The following ULBP1 variants were observed in gnomAD, a reference collection of about 807,000 sequenced individuals.
The protein encoded by ULBP1 is UL16-binding protein 1.
ULBP1 carries 28 observed loss-of-function variants against 25.3 expected under a neutral mutation model. The ratio of observed to expected loss-of-function variants is 1.10; its 90% confidence interval spans 0.82 to 1.51. The LOEUF (loss-of-function observed/expected upper bound fraction) is 1.51, where lower values mean the gene tolerates loss of function less well. ULBP1 is among the 40% of genes most tolerant of loss of function. The probability of loss-of-function intolerance (pLI) is 0.00; values close to 1 mark genes in which losing one functional copy is unlikely to be tolerated. For synonymous variants in ULBP1, 129 were observed against 103.0 expected (o/e 1.25, Z -1.53); for missense variants, 348 against 290.9 (o/e 1.20, Z -1.43).
intron 1 of ULBP1, among the ~76,000 whole-genome samples, chr6:149,967,070 T>A (rs1779216471): frequency 6.6e-6 from 1 of 152,202 alleles, no homozygotes; most frequent in Non-Finnish European, 1.5e-5. Flanking sequence ...GCACAACCTA[T>A]AATAGTTACT....
In ULBP1 at chr6:149,969,480, G is replaced by A. The variant is rs569398230; in HGVS notation, c.625+120G>A. 63 of 1,394,220 alleles carry A rather than the reference G, an allele frequency of 4.5e-5. No individual in the cohort carries two copies. In the African/African-American group the frequency reaches 5.0e-4, roughly 11 times the overall value. The allele number at this position is 1,394,220 out of a possible 1,614,324, so 86.4% of individuals were successfully genotyped here. ...GTATGAACATGACCCCCTCATGGGG[G>A]GCTCCTCCTGGGGGTCCTGGCATGC... On this transcript the variant is annotated intron_variant, in intron 3 of 4. Coordinates refer to ENST00000229708, the MANE Select transcript of ULBP1 (RefSeq NM_025218.4).
At chr6:149,964,802 G>A (rs1405971321) in intron 1 of ULBP1, among the ~76,000 whole-genome samples, 34 of 128,484 alleles carry the variant, frequency 2.6e-4, no homozygotes, top group Non-Finnish European at 4.8e-4. Flanking sequence ...CGATCCCTCC[G>A]AACATCGTGA....
In ULBP1 at chr6:149,971,035, A is replaced by G. The variant is rs184694051; in HGVS notation, c.*23-334A>G. Reference sequence around the variant, plus strand: ...CCACCCAAGGCCAGGGAACGTGGATAGAAAGAGCTCTCTTTGGACAGGGTT... The same window carrying G: ...CCACCCAAGGCCAGGGAACGTGGATGGAAAGAGCTCTCTTTGGACAGGGTT... On this transcript the variant is annotated intron_variant, in intron 4 of 4. Coordinates refer to ENST00000229708, the MANE Select transcript of ULBP1 (RefSeq NM_025218.4). Among the ~76,000 whole-genome samples the G allele has an allele frequency of 5.7e-4, 87 of 152,358 alleles. No homozygotes were observed. The East Asian group carries it at 0.016, about 27-fold the overall frequency.
intron 4 of ULBP1, 141 bp downstream of exon 4, chr6:149,970,288 T>C (rs1779291164): frequency 8.1e-7 from 1 of 1,240,076 alleles, no homozygotes; most frequent in Non-Finnish European, 1.1e-6. Context: ...CTGTCACCTG[T>C]TGGCAATGAC....
intron 3 of ULBP1, 129 bp from the exon 4 acceptor site, chr6:149,969,887 G>A: frequency 8.0e-7 from 1 of 1,246,224 alleles, no homozygotes; most frequent in Non-Finnish European, 1.1e-6. Flanking sequence ...TTGTCCCAGA[G>A]GTTGCCCCAC....
In ULBP1 at chr6:149,971,385, A is replaced by C. The variant is rs2114716872; in HGVS notation, c.*39A>C. The C allele has an allele frequency of 1.0e-6, 1 of 985,452 alleles. No individual in the cohort carries two copies. Among genetic ancestry groups the C allele is most frequent in the South Asian group, 4.7e-5 (1 of 21,284 alleles). 61.0% of individuals were successfully genotyped at this position (985,452 alleles called of 1,614,324 possible). ...TTTCTCAAGGTGGAAAGTGATATCA[A>C]GAAGCCTCTGTTAGCCTGGTCTGGG... On this transcript the variant is annotated 3_prime_UTR_variant, in exon 5 of 5. Transcript: ENST00000229708.
rs369161455 is a variant in ULBP1, at chr6:149,969,089, C to T, written c.354C>T (p.Pro118=). ...IQVENLIPIE[P]LTLQARMSCE... ...GATCTCTTTGCAATGGGGCAGAGCC[C>T]CTCACCCTGCAGGCCAGGATGTCTT... Residue 118 remains proline, a synonymous_variant, in exon 3 of 5, where the codon CCC becomes CCT. Transcript: ENST00000229708. The T allele has an allele frequency of 1.9e-6, 3 of 1,613,986 alleles. No homozygotes were observed. Among genetic ancestry groups the T allele is most frequent in the African/African-American group, 1.3e-5 (1 of 74,934 alleles).
rs115284822 is a variant in ULBP1 at position 149,969,390 on chromosome 6, T to C, written c.625+30T>C. ...GTGAGAGGGGGATAAATGGAAGCTGTCTCGAGTTCAGATCTTATCAGCTGG... is the reference window on the plus strand; with the variant it reads ...GTGAGAGGGGGATAAATGGAAGCTGCCTCGAGTTCAGATCTTATCAGCTGG... On this transcript the variant is annotated intron_variant, in intron 3 of 4. Coordinates refer to ENST00000229708, the MANE Select transcript of ULBP1 (RefSeq NM_025218.4). 9.0e-4 allele frequency: 1,439 copies of C among 1,604,704 alleles called. 14 individuals carry two copies. The African/African-American group carries it at 0.017, about 19-fold the overall frequency.
Position 149,968,747 on chromosome 6 carries a change from T to A in ULBP1, c.226T>A (p.Ser76Thr), listed in dbSNP as rs753208391. 3 of 1,614,212 alleles carry A rather than the reference T, an allele frequency of 1.9e-6. No homozygotes were observed. The East Asian group carries it at 6.7e-5, about 36-fold the overall frequency. ...CVNHKAKAFA[S>T]LGKKVNVTKT... is the part of the protein sequence containing the mutation. ...TAACCACAAGGCCAAAGCCTTTGCT[T>A]CTCTGGGGAAGAAAGTCAATGTCAC... is the stretch of plus-strand genomic sequence containing the variant. The change falls in exon 2 of 5, where the codon TCT becomes ACT. Residue 76 changes from serine to threonine, a missense_variant. By Grantham distance (58) the Ser-to-Thr change is moderately conservative (BLOSUM62 1). Transcript: ENST00000229708.
intron 4 of ULBP1, among the ~76,000 whole-genome samples, chr6:149,970,759 C>A (rs1325816369): frequency 1.3e-5 from 2 of 152,232 alleles, no homozygotes; most frequent in Non-Finnish European, 2.9e-5. Context: ...CCTTGCCAGG[C>A]CCTGGGGCGA....
At chr6:149,969,417 G>A (rs1779269169) in intron 3 of ULBP1, 57 bp downstream of exon 3, 1 of 1,586,294 alleles carries the variant, frequency 6.3e-7, no homozygotes. Context: ...ATCAGCTGGT[G>A]TATGTGTGTG....
intron 2 of ULBP1, 37 bp downstream of exon 2, chr6:149,968,907 T>A (rs775982321): frequency 6.3e-7 from 1 of 1,586,700 alleles, no homozygotes; most frequent in South Asian, 1.2e-5. Context: ...GACACAGTAG[T>A]AACTTAGAGT....
rs1779350594 is a variant in ULBP1, at chr6:149,973,268, G to C, written c.*1922G>C. 6.6e-6 allele frequency: 1 copy of C among 152,184 alleles called. No homozygotes were observed. The highest frequency in any genetic ancestry group is 1.5e-5 in the Non-Finnish European group (1 of 68,038). 9.4% of individuals were successfully genotyped at this position (152,184 alleles called of 1,614,324 possible). A position where few individuals can be genotyped will look rare whatever the true frequency, so the allele number is the denominator to read the frequency against. ...TGCATCTTCCCATTGGAAAGTGGCAGCTAAACATTAAATTCGCATGAACCA... is the reference window on the plus strand; with the variant it reads ...TGCATCTTCCCATTGGAAAGTGGCACCTAAACATTAAATTCGCATGAACCA... On this transcript the variant is annotated 3_prime_UTR_variant, in exon 5 of 5. Transcript: ENST00000229708.
At chr6:149,967,957 T>C (rs1779233218) in intron 1 of ULBP1, among the ~76,000 whole-genome samples, 1 of 152,130 alleles carries the variant, frequency 6.6e-6, no homozygotes, top group African/African-American at 2.4e-5. Flanking sequence ...GTTCTGGATT[T>C]TCATATTGCA....
At chr6:149,964,592 A>ATCGCGGTCTCCCCGAAC (rs1779163775) in intron 1 of ULBP1, among the ~76,000 whole-genome samples, 1 of 79,932 alleles carries the variant, frequency 1.3e-5, no homozygotes, top group Non-Finnish European at 2.7e-5. Context: ...TCTCCCCGAA[A>ATCGCGGTCTCCCCGAAC]ATCGCGATCT....
chr6:149,968,507 C>T, intron 1 of ULBP1, 100 bp from the exon 2 acceptor site: 1 of 1,472,128 alleles, frequency 6.8e-7, no homozygotes, highest in Non-Finnish European at 9.1e-7. Context: ...GCCAGCCCAG[C>T]CCCTCAGAGG....
chr6:149,966,924 C>T (rs1779213465), intron 1 of ULBP1, among the ~76,000 whole-genome samples: 1 of 152,214 alleles, frequency 6.6e-6, no homozygotes, highest in Non-Finnish European at 1.5e-5. Context: ...CCACATATGC[C>T]TCTGGGATCT....
intron 1 of ULBP1, among the ~76,000 whole-genome samples, chr6:149,966,981 C>G (rs900843511): frequency 1.5e-4 from 23 of 152,170 alleles, no homozygotes; most frequent in African/African-American, 5.1e-4. Context: ...CCAGCGTCAC[C>G]CCTCATCACA....
intron 4 of ULBP1, among the ~76,000 whole-genome samples, chr6:149,970,645 A>C (rs1779297792): frequency 6.6e-6 from 1 of 152,256 alleles, no homozygotes; most frequent in Non-Finnish European, 1.5e-5. Context: ...CTGCATTCCC[A>C]GAGAAAGCAG....
Sources: gnomAD v4.1 joint callset for allele counts (sites outside exome capture counted in the v4.1 genomes callset) on GRCh38, gnomAD v4.1.1 for gene constraint, MANE v1.5 for transcripts, NCBI Gene and HGNC (gene_info 2026-07-23, HGNC 2026-07-21) for gene names.